WDPCP: variants seen among roughly 807,000 people sequenced by gnomAD.
WDPCP encodes the protein WD repeat-containing and planar cell polarity effector protein fritz homolog.
WDPCP carries 71 observed loss-of-function variants against 93.1 expected under a neutral mutation model. That is an observed-to-expected ratio of 0.76 (90% confidence interval 0.63 to 0.93). WDPCP has a LOEUF of 0.93. Ranked by LOEUF, WDPCP falls within the 40% of genes least tolerant of loss-of-function variation. WDPCP has a pLI of 0.00. For missense variants in WDPCP, 844 were observed against 887.4 expected (o/e 0.95, Z 0.62); for synonymous variants, 315 against 315.0 (o/e 1.00, Z 0.00).
At chr2:63,761,637 C>T (rs1250509618) in intron 2 of WDPCP, among the ~76,000 whole-genome samples, 1 of 152,120 alleles carries the variant, frequency 6.6e-6, no homozygotes, top group African/African-American at 2.4e-5. Flanking sequence ...GAGAAAGATG[C>T]AGGCTGGGAG....
chr2:63,547,006 A>G (rs1315197308), intron 1 of WDPCP, among the ~76,000 whole-genome samples: 1 of 152,154 alleles, frequency 6.6e-6, no homozygotes, highest in Non-Finnish European at 1.5e-5. Flanking sequence ...AGAAAGAATT[A>G]ATTCCAGATT....
At chr2:63,580,364 C>A (rs1225421396) in intron 1 of WDPCP, among the ~76,000 whole-genome samples, 1 of 152,086 alleles carries the variant, frequency 6.6e-6, no homozygotes, top group African/African-American at 2.4e-5. Flanking sequence ...TATGTCCCCA[C>A]TGATTATTAA....
In WDPCP at chr2:63,450,383, G is replaced by T. The variant is rs564771784; in HGVS notation, c.385-10512C>A. ...CGCACTGCAGCCACAGCCAACACCAGTATGCACCACCCAGGACCGAAAGAG... is the reference window on the plus strand; with the variant it reads ...CGCACTGCAGCCACAGCCAACACCATTATGCACCACCCAGGACCGAAAGAG... On this transcript the variant is annotated intron_variant, in intron 6 of 17. Coordinates refer to ENST00000272321, the MANE Select transcript of WDPCP (RefSeq NM_015910.7). 6.6e-5 allele frequency among the ~76,000 whole-genome samples: 10 copies of T among 152,232 alleles called. No individual in the cohort carries two copies. The East Asian group carries it at 1.9e-3, about 29-fold the overall frequency.
Position 63,696,672 on chromosome 2 carries a change from C to A in WDPCP, n.309-45834G>T, listed in dbSNP as rs578259869. Among the ~76,000 whole-genome samples, 4 of 152,278 alleles carry A rather than the reference C, an allele frequency of 2.6e-5. No individual in the cohort carries two copies. In the South Asian group the frequency reaches 8.3e-4, roughly 32 times the overall value. On this transcript the variant is annotated intron_variant and non_coding_transcript_variant, in intron 2 of 4. Coordinates refer to the WDPCP transcript ENST00000467687. ...CACGTGGCTGAGACACCCATGGTAG[C>A]AATTGGGTAATTGGGTAAAGAGTCA...
At chr2:63,226,313 T>G (rs577432090) in intron 14 of WDPCP, among the ~76,000 whole-genome samples, 1 of 152,014 alleles carries the variant, frequency 6.6e-6, no homozygotes, top group East Asian at 1.9e-4. Flanking sequence ...TTGCCATATA[T>G]TTTCCTTTTT....
chr2:63,599,489 G>A, intron 3 of WDPCP: 2 of 414,744 alleles, frequency 4.8e-6, no homozygotes, highest in East Asian at 4.8e-5. Context: ...AAGGACCAGA[G>A]GCTGGACTTC....
chr2:63,702,634 G>T (rs1336552116), intron 2 of WDPCP, among the ~76,000 whole-genome samples: 5 of 151,454 alleles, frequency 3.3e-5, no homozygotes, highest in Admixed American at 3.3e-4. Flanking sequence ...CGCCTCCGGG[G>T]TTCACACCAT....
chr2:63,739,924 G>C (rs1002247624), intron 2 of WDPCP, among the ~76,000 whole-genome samples: 5 of 151,116 alleles, frequency 3.3e-5, no homozygotes, highest in Non-Finnish European at 7.4e-5. Flanking sequence ...CTATTTAATG[G>C]GTTTTTGTTT....
chr2:63,313,222 C>A (rs767509719), intron 13 of WDPCP, 26 bp downstream of exon 13: 5 of 1,610,592 alleles, frequency 3.1e-6, no homozygotes, highest in Non-Finnish European at 4.2e-6. Flanking sequence ...ACTGAAGGCA[C>A]AAAATCATCT....
intron 6 of WDPCP, among the ~76,000 whole-genome samples, chr2:63,458,590 A>G (rs1025135362): frequency 6.6e-6 from 1 of 152,226 alleles, no homozygotes; most frequent in African/African-American, 2.4e-5. Flanking sequence ...GAAACTGAAG[A>G]GGACACAAAC....
intron 6 of WDPCP, among the ~76,000 whole-genome samples, chr2:63,481,049 C>A (rs1700238842): frequency 6.6e-6 from 1 of 151,546 alleles, no homozygotes; most frequent in African/African-American, 2.4e-5. Flanking sequence ...AGAAAAAAAA[C>A]AAACAATCCC....
intron 14 of WDPCP, among the ~76,000 whole-genome samples, chr2:63,216,011 C>A (rs1326732732): frequency 6.6e-6 from 1 of 152,164 alleles, no homozygotes; most frequent in Non-Finnish European, 1.5e-5. Flanking sequence ...AATGAGATAC[C>A]ATCTCACACC....
intron 8 of WDPCP, among the ~76,000 whole-genome samples, chr2:63,436,145 C>T (rs1395094579): frequency 2.6e-5 from 4 of 151,892 alleles, no homozygotes; most frequent in South Asian, 2.1e-4. Flanking sequence ...TTTTAAAGAC[C>T]GATCAATTTT....
intron 10 of WDPCP, among the ~76,000 whole-genome samples, chr2:63,395,783 A>C (rs1693674752): frequency 6.6e-6 from 1 of 152,072 alleles, no homozygotes; most frequent in Admixed American, 6.5e-5. Context: ...GCTGGAGTGC[A>C]ATGGCGCGAT....
upstream of WDPCP, among the ~76,000 whole-genome samples, chr2:63,832,338 G>T (rs1249618292): frequency 3.3e-5 from 5 of 152,142 alleles, no homozygotes; most frequent in Non-Finnish European, 7.3e-5. Context: ...GTTGAAAGCT[G>T]AAAAGCTTCT....
At chr2:63,840,554 C>T in the WDPCP span, among the ~76,000 whole-genome samples, 1 of 152,220 alleles carries the variant, frequency 6.6e-6, no homozygotes, top group African/African-American at 2.4e-5. Context: ...TACTCCCTAA[C>T]GCATCCTCAC....
chr2:63,412,840 A>G (rs143437301), intron 9 of WDPCP, among the ~76,000 whole-genome samples: 120 of 152,278 alleles, frequency 7.9e-4, no homozygotes, highest in African/African-American at 2.7e-3. Context: ...TCTACGAGGA[A>G]AATTATAAAA....
At chr2:63,372,613 A>G (rs910706571) in intron 12 of WDPCP, among the ~76,000 whole-genome samples, 1 of 152,136 alleles carries the variant, frequency 6.6e-6, no homozygotes, top group Admixed American at 6.6e-5. Context: ...TATTGTTCAA[A>G]TCTCCTATTT....
chr2:63,676,377 C>T (rs1710403599), intron 2 of WDPCP, among the ~76,000 whole-genome samples: 2 of 152,158 alleles, frequency 1.3e-5, no homozygotes, highest in African/African-American at 4.8e-5. Flanking sequence ...CTGGAAAACA[C>T]CTCAGCCTTT....
Sources: gnomAD v4.1 joint callset for allele counts (sites outside exome capture counted in the v4.1 genomes callset) on GRCh38, gnomAD v4.1.1 for gene constraint, MANE v1.5 for transcripts, NCBI Gene and HGNC (gene_info 2026-07-23, HGNC 2026-07-21) for gene names.